ANKRD30B: variants seen among roughly 807,000 people sequenced by gnomAD.
ANKRD30B encodes ankyrin repeat domain 30B.
Under a neutral mutation model 202.2 loss-of-function variants are expected in ANKRD30B, and 144 were observed. That is an observed-to-expected ratio of 0.71 (90% CI 0.62 to 0.82). ANKRD30B has a LOEUF of 0.82. Ranked by LOEUF, ANKRD30B falls within the 40% of genes least tolerant of loss-of-function variation. The probability of loss-of-function intolerance (pLI) is 0.00; values close to 1 mark genes in which losing one functional copy is unlikely to be tolerated. For synonymous variants in ANKRD30B, 508 were observed against 561.3 expected, an observed-to-expected ratio of 0.91 and a Z score of 1.34; for missense variants, 1,487 against 1,669.1, an observed-to-expected ratio of 0.89 and a Z score of 1.90.
At chr18:14,815,933 T>G (rs1165696363) in intron 30 of ANKRD30B, among the ~76,000 whole-genome samples, 2 of 152,192 alleles carry the variant, frequency 1.3e-5, no homozygotes, top group African/African-American at 4.8e-5. Context: ...AATTAGTGGA[T>G]ATTTATATTT....
chr18:14,839,399 TGAACAGAGAGGGCAGTGGACC>T lies in ANKRD30B; in HGVS notation c.2989-1188_2989-1168del, dbSNP rs1305899113. ...ATGAAAGTCTAGGAGGAAGACATTC[TGAACAGAGAGGGCAGTGGACC>T]ATATTTGTTCATCATTTTGTTCTTA... On this transcript the variant is annotated intron_variant, in intron 36 of 43. Transcript: ENST00000690538. Among the ~76,000 whole-genome samples, 4 of 152,184 alleles carry T rather than the reference TGAACAGAGAGGGCAGTGGACC, an allele frequency of 2.6e-5. No individual in the cohort carries two copies. In the East Asian group the frequency reaches 7.7e-4, roughly 29 times the overall value.
At chr18:14,908,254 C>G in the ANKRD30B span, among the ~76,000 whole-genome samples, 1 of 152,162 alleles carries the variant, frequency 6.6e-6, no homozygotes, top group South Asian at 2.1e-4. Context: ...CACAGTTCAT[C>G]TTTCCTAGGA....
the ANKRD30B span, among the ~76,000 whole-genome samples, chr18:14,869,407 A>C: frequency 6.6e-6 from 1 of 151,632 alleles, no homozygotes; most frequent in Non-Finnish European, 1.5e-5. Flanking sequence ...AATATGAAAT[A>C]ATTCTGAAAA....
chr18:14,772,795 T>C (rs1281885761), intron 9 of ANKRD30B, among the ~76,000 whole-genome samples: 2 of 151,948 alleles, frequency 1.3e-5, no homozygotes, highest in African/African-American at 4.8e-5. Context: ...TTCTTGGTTC[T>C]TTAATTACAC....
At chr18:14,930,987 A>T in the ANKRD30B span, among the ~76,000 whole-genome samples, 2 of 152,204 alleles carry the variant, frequency 1.3e-5, no homozygotes, top group Non-Finnish European at 2.9e-5. Flanking sequence ...CAGTCCTACC[A>T]CAGAAGATGA....
At chr18:14,786,915 A>G in intron 14 of ANKRD30B, 124 bp from the exon 15 acceptor site, 2 of 950,356 alleles carry the variant, frequency 2.1e-6, no homozygotes, top group Non-Finnish European at 3.0e-6. Context: ...TAATCAACAA[A>G]AAGAATATAC....
rs191271165 is a variant in ANKRD30B at position 14,851,675 on chromosome 18, A to T, written c.3731A>T (p.Glu1244Val). 1.0e-4 allele frequency: 161 copies of T among 1,610,812 alleles called. No homozygotes were observed. The East Asian group carries it at 3.5e-3, about 35-fold the overall frequency. ...DIKILQEKNA[E>V]LQMTLKLKQK... ...AAGATTTTACAAGAAAAGAATGCTG[A>T]ACTTCAAATGACCCTAAAACTGAAA... Residue 1244 changes from glutamate (E) to valine (V), a missense_variant, in exon 42 of 44, where the codon GAA becomes GTA. Around this residue, in one of 6 missense-constraint regions of ANKRD30B, gnomAD observed 177 missense variants for 216.4 expected, o/e 0.82. Coordinates refer to ENST00000690538, the MANE Select transcript of ANKRD30B (RefSeq NM_001367607.2).
chr18:14,926,608 A>G, the ANKRD30B span, among the ~76,000 whole-genome samples: 1 of 152,240 alleles, frequency 6.6e-6, no homozygotes, highest in Admixed American at 6.5e-5. Flanking sequence ...TAACTTACAA[A>G]TATTTTAAAT....
chr18:14,846,669 A>G (rs1971650999), intron 39 of ANKRD30B, among the ~76,000 whole-genome samples: 1 of 152,136 alleles, frequency 6.6e-6, no homozygotes, highest in South Asian at 2.1e-4. Context: ...CTTTGTCACT[A>G]TAAAATCACC....
At chr18:14,862,978 C>T in the ANKRD30B span, among the ~76,000 whole-genome samples, 11 of 152,316 alleles carry the variant, frequency 7.2e-5, no homozygotes, top group African/African-American at 2.6e-4. Flanking sequence ...GGAATATTTA[C>T]CCAACACCTG....
chr18:14,755,702 C>T (rs1914232001), intron 4 of ANKRD30B, among the ~76,000 whole-genome samples: 1 of 152,144 alleles, frequency 6.6e-6, no homozygotes, highest in South Asian at 2.1e-4. Flanking sequence ...TAGTTTCCAG[C>T]TTCATCCATG....
chr18:14,757,517 A>G (rs181731367), intron 4 of ANKRD30B, among the ~76,000 whole-genome samples: 281 of 152,322 alleles, frequency 1.8e-3, no homozygotes, highest in Admixed American at 3.4e-3. Context: ...ATTATATCAG[A>G]CTAAGCAAGA....
At position 14,809,234 on chromosome 18, in the gene ANKRD30B, T is replaced by G. The variant is rs1043278428; in HGVS notation, c.2386+490T>G. On this transcript the variant is annotated intron_variant, in intron 26 of 43. Transcript: ENST00000690538. Reference sequence around the variant, plus strand: ...AGTAATTCTTTAACTAACATCTGTATGCAGAAATACAGTACACAGGGATAA... The same window carrying G: ...AGTAATTCTTTAACTAACATCTGTAGGCAGAAATACAGTACACAGGGATAA... 2.2e-4 allele frequency among the ~76,000 whole-genome samples: 33 copies of G among 151,044 alleles called. 1 individual carries two copies. Among genetic ancestry groups the G allele is most frequent in the Admixed American group, 2.2e-3 (33 of 15,198 alleles).
Position 14,814,775 on chromosome 18 carries a change from G to C in ANKRD30B, c.2641+64G>C. The C allele has an allele frequency of 1.8e-5, 11 of 608,686 alleles. 1 individual carries two copies. Among genetic ancestry groups the C allele is most frequent in the Non-Finnish European group, 2.3e-5 (10 of 439,686 alleles). 37.7% of individuals were successfully genotyped at this position (608,686 alleles called of 1,614,324 possible). On this transcript the variant is annotated intron_variant, in intron 30 of 43. Transcript: ENST00000690538. ...ATGTTTCTCTGAACTGATGAGGAGG[G>C]ATATCCCCTAATAGCTGAAGAAAAT...
chr18:14,860,384 G>A, the ANKRD30B span, among the ~76,000 whole-genome samples: 34 of 105,944 alleles, frequency 3.2e-4, no homozygotes, highest in African/African-American at 5.2e-4. Context: ...CTTCCCAGAG[G>A]GGGTGGCCGG....
chr18:14,841,505 C>G (rs2143183198), intron 37 of ANKRD30B, among the ~76,000 whole-genome samples: 1 of 152,166 alleles, frequency 6.6e-6, no homozygotes, highest in South Asian at 2.1e-4. Context: ...GCTTTTATTT[C>G]TGAGTATGTT....
rs577929598 is a variant in ANKRD30B, at chr18:14,843,239, A to C, written c.3181+143A>C. On this transcript the variant is annotated intron_variant, in intron 39 of 43. Coordinates refer to ENST00000690538, the MANE Select transcript of ANKRD30B (RefSeq NM_001367607.2). ...CAATAGTGGTATCCACATTTGAAAA[A>C]CTGATTACTTACAAGAACACGAATT... is the stretch of plus-strand genomic sequence containing the variant. The C allele has an allele frequency of 1.3e-5, 11 of 855,980 alleles. No individual in the cohort carries two copies. In the African/African-American group the frequency reaches 1.6e-4, roughly 12 times the overall value. 53.0% of individuals were successfully genotyped at this position (855,980 alleles called of 1,614,324 possible). A position where few individuals can be genotyped will look rare whatever the true frequency, so the allele number is the denominator to read the frequency against.
chr18:14,933,894 G>A, the ANKRD30B span, among the ~76,000 whole-genome samples: 5 of 152,178 alleles, frequency 3.3e-5, no homozygotes, highest in Non-Finnish European at 5.9e-5. Flanking sequence ...TCACAGAAAT[G>A]AATTGGTCTT....
intron 30 of ANKRD30B, among the ~76,000 whole-genome samples, chr18:14,818,133 A>G (rs192475043): frequency 0.011 from 1,685 of 152,320 alleles, 17 homozygotes; most frequent in Middle Eastern, 0.02. Flanking sequence ...TTTCTATGTC[A>G]AAGAAATGTC....
Sources: gnomAD v4.1 joint callset for allele counts (sites outside exome capture counted in the v4.1 genomes callset) on GRCh38, gnomAD v4.1.1 for gene constraint, gnomAD v4.1.1 regional missense constraint, MANE v1.5 for transcripts, NCBI Gene and HGNC (gene_info 2026-07-23, HGNC 2026-07-21) for gene names.